Variants in CYP46A1 observed in about 807,000 individuals in gnomAD.
CYP46A1 encodes the protein cholesterol 24-hydroxylase.
CYP46A1 carries 20 observed loss-of-function variants against 63.3 expected under a neutral mutation model. That is an observed-to-expected ratio of 0.32 (90% CI 0.22 to 0.46). The LOEUF (loss-of-function observed/expected upper bound fraction) is 0.46, where lower values mean the gene tolerates loss of function less well. Among genes scored for constraint, CYP46A1 ranks in the 20% least tolerant of loss-of-function variants. CYP46A1 has a pLI of 1.00. For synonymous variants in CYP46A1, 268 were observed against 273.6 expected, an observed-to-expected ratio of 0.98 and a Z score of 0.20; for missense variants, 445 against 670.8, an observed-to-expected ratio of 0.66 and a Z score of 3.72.
intron 7 of CYP46A1, among the ~76,000 whole-genome samples, chr14:99,714,351 G>A (rs1055907068): frequency 4.6e-5 from 7 of 152,188 alleles, no homozygotes; most frequent in African/African-American, 1.7e-4. Context: ...ATATGATTCC[G>A]CAGTCCCACT....
rs1315232924 is a variant in CYP46A1 at position 99,725,503 on chromosome 14, A to G, written c.1265+24A>G. The G allele has an allele frequency of 2.5e-6, 4 of 1,577,732 alleles. No individual in the cohort carries two copies. Among genetic ancestry groups the G allele is most frequent in the African/African-American group, 2.7e-5 (2 of 74,212 alleles). On this transcript the variant is annotated intron_variant, in intron 13 of 14. Coordinates refer to ENST00000261835, the MANE Select transcript of CYP46A1 (RefSeq NM_006668.2). This position sits in a 1 kb window ranked among gnomAD's most constrained non-coding sequence, Gnocchi z 4.2. ...AAGTAAGTCCCTCCTGGAGCTGCCCATGAGTGGGGCTGGCGGGAGAAGGAC... is the reference window on the plus strand; with the variant it reads ...AAGTAAGTCCCTCCTGGAGCTGCCCGTGAGTGGGGCTGGCGGGAGAAGGAC...
Position 99,722,604 on chromosome 14 carries a change from G to A in CYP46A1, c.1176+538G>A, listed in dbSNP as rs1420832893. On this transcript the variant is annotated intron_variant, in intron 12 of 14. Coordinates refer to ENST00000261835, the MANE Select transcript of CYP46A1 (RefSeq NM_006668.2). This position sits in a 1 kb window ranked among gnomAD's most constrained non-coding sequence, Gnocchi z 4.6. ...GGATATAGTCACTCCCTGCTCCGCT[G>A]ACAAGGAATCACTAATCTGAATTGT... 6.7e-6 allele frequency among the ~76,000 whole-genome samples: 1 copy of A among 149,988 alleles called. No individual in the cohort carries two copies. Among genetic ancestry groups the A allele is most frequent in the African/African-American group, 2.4e-5 (1 of 41,018 alleles).
chr14:99,693,739 C>T (rs2056562745), intron 3 of CYP46A1: 1 of 151,972 alleles, frequency 6.6e-6, no homozygotes, highest in Non-Finnish European at 1.5e-5. Context: ...TCATGTGGGC[C>T]TGGAGTTTTA....
intron 7 of CYP46A1, chr14:99,712,942 A>C (rs1285220824): frequency 1.3e-5 from 2 of 152,250 alleles, no homozygotes; most frequent in East Asian, 3.8e-4. Flanking sequence ...TGGTTTAAAA[A>C]ATAACAACAG....
chr14:99,698,569 C>T (rs764694953), intron 3 of CYP46A1, among the ~76,000 whole-genome samples: 4 of 152,252 alleles, frequency 2.6e-5, no homozygotes, highest in South Asian at 2.1e-4. Context: ...TGCTATGTGC[C>T]GGGCACCATT....
chr14:99,692,044 C>T (rs1341951809), intron 3 of CYP46A1, among the ~76,000 whole-genome samples, 183 bp downstream of exon 3: 1 of 152,078 alleles, frequency 6.6e-6, no homozygotes, highest in East Asian at 1.9e-4. Flanking sequence ...GGGACTCTTG[C>T]AAGCATTGCC....
At chr14:99,701,208 A>G (rs982209357) in intron 5 of CYP46A1, among the ~76,000 whole-genome samples, 4 of 152,168 alleles carry the variant, frequency 2.6e-5, no homozygotes, top group African/African-American at 7.2e-5. Flanking sequence ...AAAGAAAAAA[A>G]ATTTTTAACT....
chr14:99,711,404 AAAAG>A (rs1199110995), intron 7 of CYP46A1: 1 of 152,072 alleles, frequency 6.6e-6, no homozygotes, highest in East Asian at 1.9e-4. Context: ...GCCAAGAAAA[AAAAG>A]AAGACCCATA....
chr14:99,684,462 C>T lies in CYP46A1; in HGVS notation c.45C>T (p.Ala15=). Residue 15 remains alanine, a synonymous_variant, in exon 1 of 15, where the codon GCC becomes GCT. Transcript: ENST00000261835. ...TGCTCGGCAGCGCCGTCCTGCTCGC[C>T]TTCGGCCTCTGCTGCACCTTCGTGC... The part of the protein sequence containing the change: ...LLLLGSAVLL[A]FGLCCTFVHR... 1 of 1,478,924 alleles carries T rather than the reference C, an allele frequency of 6.8e-7. No homozygotes were observed. The highest frequency in any genetic ancestry group is 8.9e-7 in the Non-Finnish European group (1 of 1,121,460). The allele number at this position is 1,478,924 out of a possible 1,614,324, so 91.6% of individuals were successfully genotyped here. A position where few individuals can be genotyped will look rare whatever the true frequency, so the allele number is the denominator to read the frequency against.
chr14:99,696,396 C>T (rs958632783), intron 3 of CYP46A1, among the ~76,000 whole-genome samples: 3 of 152,222 alleles, frequency 2.0e-5, no homozygotes, highest in Non-Finnish European at 4.4e-5. Flanking sequence ...GCTGAGACTA[C>T]CACCATGCCC....
At chr14:99,717,908 T>C (rs1225573335) in intron 9 of CYP46A1, 146 bp from the exon 10 acceptor site, 2 of 603,162 alleles carry the variant, frequency 3.3e-6, no homozygotes, top group Non-Finnish European at 5.8e-6. Flanking sequence ...ACCTAGACGA[T>C]GGTTCAAGGA....
At chr14:99,701,977 G>A (rs1595191262) in intron 5 of CYP46A1, among the ~76,000 whole-genome samples, 1 of 150,884 alleles carries the variant, frequency 6.6e-6, no homozygotes, top group Admixed American at 6.6e-5. Flanking sequence ...GGCTAAGGTA[G>A]GATAATCACT....
intron 9 of CYP46A1, among the ~76,000 whole-genome samples, chr14:99,717,228 C>G (rs755693755): frequency 2.6e-5 from 4 of 152,174 alleles, no homozygotes; most frequent in Non-Finnish European, 4.4e-5. Context: ...AGGCTTCTAT[C>G]CAGCCTTCCA....
rs144393415 is a variant in CYP46A1, at chr14:99,723,510, G to T, written c.1176+1444G>T. On this transcript the variant is annotated intron_variant, in intron 12 of 14. Coordinates refer to ENST00000261835, the MANE Select transcript of CYP46A1 (RefSeq NM_006668.2). ...TTTTAGTAGAGATGGGGTTTCACCAGGTTGGCCAGGCTATTCTCAAACTCC... is the reference window on the plus strand; with the variant it reads ...TTTTAGTAGAGATGGGGTTTCACCATGTTGGCCAGGCTATTCTCAAACTCC... 2.9e-3 allele frequency among the ~76,000 whole-genome samples: 434 copies of T among 152,188 alleles called. 7 individuals are homozygous for T. In the Middle Eastern group the frequency reaches 0.048, roughly 17 times the overall value.
chr14:99,721,741 G>A (rs1353280805), intron 11 of CYP46A1, among the ~76,000 whole-genome samples: 2 of 151,990 alleles, frequency 1.3e-5, no homozygotes, highest in African/African-American at 4.8e-5. Flanking sequence ...CTGCCATTGT[G>A]GCCTTGCACA....
intron 10 of CYP46A1, among the ~76,000 whole-genome samples, chr14:99,718,720 TG>T (rs1229690977): frequency 6.6e-6 from 1 of 151,964 alleles, no homozygotes; most frequent in Non-Finnish European, 1.5e-5. Context: ...ACAGGCTGGG[TG>T]GGAGCTCTGG....
rs72708320 is a variant in CYP46A1, at chr14:99,717,768, C to T, written c.908-286C>T. 7.7e-6 allele frequency: 3 copies of T among 391,372 alleles called. No homozygotes were observed. In the South Asian group the frequency reaches 1.7e-4, roughly 22 times the overall value. 24.2% of individuals were successfully genotyped at this position (391,372 alleles called of 1,614,324 possible). On this transcript the variant is annotated intron_variant, in intron 9 of 14. Coordinates refer to ENST00000261835, the MANE Select transcript of CYP46A1 (RefSeq NM_006668.2). ...CACCCTGCATCCTGGGAAGGCGAGG[C>T]CTTGGGCTCACGGACTTTGAATTGT...
chr14:99,717,766 G>A, intron 9 of CYP46A1: 1 of 379,536 alleles, frequency 2.6e-6, no homozygotes, highest in Non-Finnish European at 4.8e-6. Context: ...GGGAAGGCGA[G>A]GCCTTGGGCT....
At chr14:99,694,371 C>CTTTTTTTTTTTTT (rs74872295) in intron 3 of CYP46A1, among the ~76,000 whole-genome samples, 2 of 86,300 alleles carry the variant, frequency 2.3e-5, no homozygotes, top group East Asian at 3.5e-4. Flanking sequence ...TTTGGGTTTT[C>CTTTTTTTTTTTTT]TTTTTTTTTT....
Sources: allele counts gnomAD v4.1 joint callset (sites outside exome capture counted in the v4.1 genomes callset), GRCh38; gene constraint gnomAD v4.1.1; non-coding constraint Gnocchi (gnomAD v3.1); transcripts MANE v1.5; gene names NCBI Gene and HGNC (gene_info 2026-07-23, HGNC 2026-07-21).